The following ARHGAP25 variants were observed in gnomAD, a reference collection of about 807,000 sequenced individuals.
The protein encoded by ARHGAP25 is rho GTPase-activating protein 25.
ARHGAP25 carries 34 observed loss-of-function variants against 71.0 expected under a neutral mutation model. The ratio of observed to expected loss-of-function variants is 0.48; its 90% CI spans 0.36 to 0.64. The LOEUF (loss-of-function observed/expected upper bound fraction) is 0.64. ARHGAP25 is among the 30% of genes least tolerant of loss of function. The probability of loss-of-function intolerance (pLI) is 0.00; values close to 1 mark genes in which losing one functional copy is unlikely to be tolerated. For missense variants in ARHGAP25, 706 were observed against 805.1 expected (o/e 0.88, Z 1.49); for synonymous variants, 282 against 296.5 (o/e 0.95, Z 0.50).
At chr2:68,742,552 G>T (rs765065548) in intron 1 of ARHGAP25, among the ~76,000 whole-genome samples, 3 of 152,172 alleles carry the variant, frequency 2.0e-5, no homozygotes, top group South Asian at 4.1e-4. Flanking sequence ...AAGAGAAGAT[G>T]ATCTATGTCA....
At chr2:68,793,222 G>T (rs575261472) in intron 4 of ARHGAP25, among the ~76,000 whole-genome samples, 7 of 152,168 alleles carry the variant, frequency 4.6e-5, no homozygotes, top group Non-Finnish European at 1.0e-4. Flanking sequence ...CCATTTAGTA[G>T]GTTGTCTGTT....
chr2:68,725,067 A>C (rs139237607), intron 2 of ARHGAP25, among the ~76,000 whole-genome samples: 3,206 of 152,256 alleles, frequency 0.021, 41 homozygotes, highest in Middle Eastern at 0.079. Flanking sequence ...CTGAAGCCCC[A>C]CAGTTAGACT....
At chr2:68,717,179 T>C (rs1217383710) in intron 2 of ARHGAP25, among the ~76,000 whole-genome samples, 2 of 152,196 alleles carry the variant, frequency 1.3e-5, no homozygotes, top group Non-Finnish European at 2.9e-5. Flanking sequence ...AACACAGTGG[T>C]AAGTATTTGT....
At chr2:68,747,192 T>A (rs35129206) in intron 1 of ARHGAP25, among the ~76,000 whole-genome samples, 7,623 of 152,104 alleles carry the variant, frequency 0.05, 260 homozygotes, top group Middle Eastern at 0.099. Context: ...AAAAAAAATT[T>A]TTTAGACTTC....
intron 2 of ARHGAP25, among the ~76,000 whole-genome samples, chr2:68,714,479 T>A (rs1674565104): frequency 6.6e-6 from 1 of 152,212 alleles, no homozygotes; most frequent in South Asian, 2.1e-4. Flanking sequence ...CCTGTATCTA[T>A]CTCTTTCTTC....
At chr2:68,716,988 T>G (rs1179930512) in intron 2 of ARHGAP25, among the ~76,000 whole-genome samples, 1 of 152,232 alleles carries the variant, frequency 6.6e-6, no homozygotes, top group African/African-American at 2.4e-5. Context: ...CACACATCAT[T>G]TAACAATGAA....
At chr2:68,737,212 G>A (rs988819226) in intron 1 of ARHGAP25, among the ~76,000 whole-genome samples, 81 of 152,146 alleles carry the variant, frequency 5.3e-4, no homozygotes, top group Middle Eastern at 3.2e-3. Context: ...CTCTGATGGG[G>A]GAGAGCCCTT....
intron 10 of ARHGAP25, among the ~76,000 whole-genome samples, chr2:68,824,746 A>C (rs910179075): frequency 2.6e-5 from 4 of 152,104 alleles, no homozygotes; most frequent in African/African-American, 9.7e-5. Flanking sequence ...CGTCTCAAAA[A>C]AAACAAAAGG....
At chr2:68,798,037 G>A (rs1679694640) in intron 4 of ARHGAP25, among the ~76,000 whole-genome samples, 1 of 152,196 alleles carries the variant, frequency 6.6e-6, no homozygotes, top group Non-Finnish European at 1.5e-5. Context: ...GCAGTTGTCT[G>A]CACACTTGCT....
intron 6 of ARHGAP25, among the ~76,000 whole-genome samples, chr2:68,814,505 C>T (rs952495134): frequency 6.6e-6 from 1 of 152,150 alleles, no homozygotes; most frequent in Admixed American, 6.5e-5. Flanking sequence ...GTAATATCAG[C>T]CATGCCTAGG....
At chr2:68,801,786 C>T (rs1409735356) in intron 4 of ARHGAP25, among the ~76,000 whole-genome samples, 1 of 152,162 alleles carries the variant, frequency 6.6e-6, no homozygotes, top group African/African-American at 2.4e-5. Flanking sequence ...TCGAGGAACA[C>T]ACAGGGAGCT....
chr2:68,731,894 C>T (rs373741144), upstream of ARHGAP25, among the ~76,000 whole-genome samples: 12 of 152,238 alleles, frequency 7.9e-5, no homozygotes, highest in East Asian at 1.5e-3. Context: ...TTCTTCTCCC[C>T]CAACAGACTG....
At chr2:68,753,904 ATT>A (rs4071637) in intron 1 of ARHGAP25, among the ~76,000 whole-genome samples, 1,982 of 141,336 alleles carry the variant, frequency 0.014, 54 homozygotes, top group African/African-American at 0.047. Flanking sequence ...GGTAAGATGT[ATT>A]TTTTTTTTTT....
At position 68,775,059 on chromosome 2, in the gene ARHGAP25, C is replaced by A. The variant is rs531779649; in HGVS notation, c.62-162C>A. The A allele has an allele frequency of 4.0e-5, 61 of 1,528,176 alleles. No homozygotes were observed. In the Middle Eastern group the frequency reaches 1.3e-3, roughly 31 times the overall value. 94.7% of individuals were successfully genotyped at this position (1,528,176 alleles called of 1,614,324 possible). On this transcript the variant is annotated intron_variant, in intron 1 of 10. Coordinates refer to ENST00000409202, the MANE Select transcript of ARHGAP25 (RefSeq NM_001007231.3). ...TGGCCCCTCGGCTGCTTCTCTGGCT[C>A]GGGGGGGACTTTCTCTGGCTCAGAT...
At chr2:68,736,591 G>C (rs1675233780) in intron 1 of ARHGAP25, among the ~76,000 whole-genome samples, 1 of 152,182 alleles carries the variant, frequency 6.6e-6, no homozygotes, top group South Asian at 2.1e-4. Context: ...AGAAAGTTGA[G>C]ACAATTAATA....
Position 68,782,126 on chromosome 2 carries a change from C to T in ARHGAP25, c.262-107C>T. On this transcript the variant is annotated intron_variant, in intron 2 of 10. Transcript: ENST00000409202. ...GAGGCTAGCTTCCCATGTCCCTATC[C>T]TCCTACTCTCCTCCCCATCCCATCA... is the stretch of plus-strand genomic sequence containing the variant. 4.0e-6 allele frequency: 4 copies of T among 999,760 alleles called. No homozygotes were observed. The South Asian group carries it at 4.3e-5, about 11-fold the overall frequency. 61.9% of individuals were successfully genotyped at this position (999,760 alleles called of 1,614,324 possible). A position where few individuals can be genotyped will look rare whatever the true frequency, so the allele number is the denominator to read the frequency against.
At chr2:68,727,641 C>A (rs1674917126) in intron 2 of ARHGAP25, among the ~76,000 whole-genome samples, 1 of 152,228 alleles carries the variant, frequency 6.6e-6, no homozygotes, top group Non-Finnish European at 1.5e-5. Context: ...TCACTCTGAC[C>A]CAAACTATGT....
intron 1 of ARHGAP25, among the ~76,000 whole-genome samples, chr2:68,769,462 G>A (rs966306918): frequency 6.6e-6 from 1 of 152,106 alleles, no homozygotes; most frequent in African/African-American, 2.4e-5. Context: ...ACCCAAGGCT[G>A]CGTATGTAGA....
intron 2 of ARHGAP25, among the ~76,000 whole-genome samples, chr2:68,781,384 C>A (rs772430418): frequency 6.6e-6 from 1 of 151,324 alleles, no homozygotes. Flanking sequence ...AGCGAGACTC[C>A]GTCTCAAAAA....
Sources: gnomAD v4.1 joint callset for allele counts (sites outside exome capture counted in the v4.1 genomes callset) on GRCh38, gnomAD v4.1.1 for gene constraint, MANE v1.5 for transcripts, NCBI Gene and HGNC (gene_info 2026-07-23, HGNC 2026-07-21) for gene names.